Variants in TNIK observed in about 807,000 individuals in gnomAD.
The protein encoded by TNIK is TRAF2 and NCK-interacting protein kinase.
In TNIK, 49 loss-of-function variants were observed where a neutral mutation model predicts 191.3. The observed-to-expected ratio is 0.26, with a 90% CI of 0.20 to 0.32. TNIK has a LOEUF of 0.32. TNIK is among the 10% of genes least tolerant of loss of function. TNIK has a pLI of 1.00. For synonymous variants in TNIK, 594 were observed against 600.9 expected, an observed-to-expected ratio of 0.99 and a Z score of 0.17; for missense variants, 1,155 against 1,702.3, an observed-to-expected ratio of 0.68 and a Z score of 5.66.
chr3:171,333,593 A>G (rs1756638390), intron 2 of TNIK, among the ~76,000 whole-genome samples: 1 of 151,862 alleles, frequency 6.6e-6, no homozygotes, highest in South Asian at 2.1e-4. Context: ...AGAAAAAAAA[A>G]AAAAAAAAAA....
At chr3:171,085,366 C>G in intron 24 of TNIK, 137 bp from the exon 25 acceptor site, 1 of 667,836 alleles carries the variant, frequency 1.5e-6, no homozygotes, top group South Asian at 4.1e-5. Context: ...GTGCTCTAGT[C>G]AGTGCGTGCC....
At chr3:171,362,344 C>T (rs2108472311) in intron 2 of TNIK, among the ~76,000 whole-genome samples, 1 of 152,254 alleles carries the variant, frequency 6.6e-6, no homozygotes, top group African/African-American at 2.4e-5. Context: ...AAAAGTAATA[C>T]TGGTATTAGG....
chr3:171,092,512 CCTT>C (rs1722205747), intron 23 of TNIK, among the ~76,000 whole-genome samples: 1 of 152,126 alleles, frequency 6.6e-6, no homozygotes, highest in Non-Finnish European at 1.5e-5. Context: ...GGGATAGAAG[CCTT>C]CTACACTTCC....
rs535177282 is a variant in TNIK at position 171,450,942 on chromosome 3, G to A, written c.57+9065C>T. Among the ~76,000 whole-genome samples, 7 of 152,292 alleles carry A rather than the reference G, an allele frequency of 4.6e-5. 1 individual carries two copies. The highest frequency in any genetic ancestry group is 9.6e-5 in the African/African-American group (4 of 41,558). The stretch of plus-strand genomic sequence containing the variant: ...ATTTTTAAAAAATTCAGATAGTCAC[G>A]ACTGCCTTAAAGATAATAAAGCACT... On this transcript the variant is annotated intron_variant, in intron 1 of 32. Transcript: ENST00000436636.
chr3:171,436,940 C>T (rs755419253), intron 1 of TNIK, among the ~76,000 whole-genome samples: 25 of 152,300 alleles, frequency 1.6e-4, no homozygotes, highest in Non-Finnish European at 2.9e-4. Context: ...TTTGGCGAGG[C>T]TGTCAAGAAC....
chr3:171,401,871 AATAAAT>A (rs1288189802), intron 1 of TNIK, among the ~76,000 whole-genome samples: 1 of 152,224 alleles, frequency 6.6e-6, no homozygotes, highest in Non-Finnish European at 1.5e-5. Context: ...ATGAGAGCTC[AATAAAT>A]GTTAGCTGTT....
At chr3:171,112,490 A>G (rs1576851965) in intron 18 of TNIK, among the ~76,000 whole-genome samples, 1 of 152,204 alleles carries the variant, frequency 6.6e-6, no homozygotes, top group African/African-American at 2.4e-5. Context: ...AGTCTTGAAA[A>G]ATATTAAAAG....
At chr3:171,300,035 T>A (rs2108266892) in intron 2 of TNIK, among the ~76,000 whole-genome samples, 1 of 152,334 alleles carries the variant, frequency 6.6e-6, no homozygotes, top group South Asian at 2.1e-4. Context: ...ACAAATGCAT[T>A]TACAAACTAC....
chr3:171,259,423 C>T (rs750472925), intron 2 of TNIK, among the ~76,000 whole-genome samples: 3 of 152,140 alleles, frequency 2.0e-5, no homozygotes, highest in East Asian at 1.9e-4. Flanking sequence ...TGCCTGGTGG[C>T]CTAGAAGCTG....
intron 1 of TNIK, among the ~76,000 whole-genome samples, chr3:171,434,063 A>T (rs1334749635): frequency 6.8e-6 from 1 of 146,864 alleles, no homozygotes; most frequent in African/African-American, 2.5e-5. Context: ...CTTGTACCTC[A>T]GCCTCCCTAG....
chr3:171,370,351 T>C (rs1349357403), intron 1 of TNIK, among the ~76,000 whole-genome samples: 1 of 152,196 alleles, frequency 6.6e-6, no homozygotes, highest in Non-Finnish European at 1.5e-5. Context: ...TTATTCAAGT[T>C]CTTACCACCA....
intron 2 of TNIK, among the ~76,000 whole-genome samples, chr3:171,315,281 A>C (rs1471063907): frequency 6.6e-6 from 1 of 152,150 alleles, no homozygotes; most frequent in African/African-American, 2.4e-5. Context: ...AGCCTTCTCA[A>C]CTGATGATGA....
intron 1 of TNIK, among the ~76,000 whole-genome samples, chr3:171,439,058 G>T (rs940655352): frequency 6.6e-6 from 1 of 152,082 alleles, no homozygotes; most frequent in African/African-American, 2.4e-5. Context: ...TTTTAAAATC[G>T]GACTAGCCAG....
intron 1 of TNIK, among the ~76,000 whole-genome samples, chr3:171,430,610 C>T (rs1301188051): frequency 2.0e-5 from 3 of 148,698 alleles, no homozygotes; most frequent in Admixed American, 1.4e-4. Context: ...CTGCATTCAG[C>T]CCTGGCCCAG....
chr3:171,161,838 C>T (rs1734032072), intron 10 of TNIK, among the ~76,000 whole-genome samples: 1 of 151,746 alleles, frequency 6.6e-6, no homozygotes, highest in African/African-American at 2.4e-5. Flanking sequence ...GAGAATGGCG[C>T]AAACCCAGGA....
intron 1 of TNIK, among the ~76,000 whole-genome samples, chr3:171,407,170 T>G (rs1047141497): frequency 6.6e-6 from 1 of 152,102 alleles, no homozygotes; most frequent in Non-Finnish European, 1.5e-5. Flanking sequence ...AAGGAGCTGA[T>G]GAGCTAAAGA....
chr3:171,114,558 G>A (rs747687145), intron 18 of TNIK, among the ~76,000 whole-genome samples: 16 of 152,170 alleles, frequency 1.1e-4, no homozygotes, highest in Non-Finnish European at 2.2e-4. Context: ...ATTTGATTGA[G>A]TAGAAATAGA....
In TNIK at chr3:171,177,395, G is replaced by T. The variant is rs1466085246; in HGVS notation, c.640-15C>A. On this transcript the variant is annotated splice_polypyrimidine_tract_variant and intron_variant, in intron 7 of 32. Transcript: ENST00000436636. ...CACAAGTCACTCTGAAAAAGAAGGGGCAGACACACACATAAATTCAGTCAA... is the reference window on the plus strand; with the variant it reads ...CACAAGTCACTCTGAAAAAGAAGGGTCAGACACACACATAAATTCAGTCAA... The T allele has an allele frequency of 1.9e-6, 3 of 1,600,380 alleles. No homozygotes were observed. The highest frequency in any genetic ancestry group is 2.6e-6 in the Non-Finnish European group (3 of 1,173,258).
In TNIK at chr3:171,079,545, A is replaced by G. The variant is rs778268365; in HGVS notation, c.3421T>C (p.Leu1141=). 2 of 1,613,684 alleles carry G rather than the reference A, an allele frequency of 1.2e-6. No homozygotes were observed. The highest frequency in any genetic ancestry group is 1.7e-6 in the Non-Finnish European group (2 of 1,179,722). The change falls in exon 28 of 33, where the codon TTG becomes CTG. Residue 1141 remains leucine (L), a synonymous_variant. Coordinates refer to ENST00000436636, the MANE Select transcript of TNIK (RefSeq NM_015028.4). ...KKQGWITVGD[L]EGCIHYKVVK... ...ACTTTATAATGTATACAGCCTTCCA[A>G]GTCCCCAACAGTGATCCAGCCTTGT...
Sources: gnomAD v4.1 joint callset for allele counts (sites outside exome capture counted in the v4.1 genomes callset) on GRCh38, gnomAD v4.1.1 for gene constraint, MANE v1.5 for transcripts, NCBI Gene and HGNC (gene_info 2026-07-23, HGNC 2026-07-21) for gene names.